BRCA2: variants seen among roughly 807,000 people sequenced by gnomAD.
BRCA2 encodes BRCA2 DNA repair associated.
A neutral mutation model predicts 276.7 loss-of-function variants in BRCA2; 203 were observed. That is an observed-to-expected ratio of 0.73 (90% CI 0.65 to 0.82). The LOEUF is 0.82. Among genes scored for constraint, BRCA2 ranks in the 40% least tolerant of loss-of-function variants. The pLI, the probability that BRCA2 is intolerant of heterozygous loss-of-function variation, is 0.00. For synonymous variants in BRCA2, 1,289 were observed against 1,338.4 expected, an observed-to-expected ratio of 0.96 and a Z score of 0.81; for missense variants, 3,920 against 3,915.0, an observed-to-expected ratio of 1.00 and a Z score of -0.03.
At chr13:32,342,940 TAGGG>T in intron 11 of BRCA2, among the ~76,000 whole-genome samples, 1 of 151,994 alleles carries the variant, frequency 6.6e-6, no homozygotes, top group South Asian at 2.1e-4. Context: ...TCCCAGCTAC[TAGGG>T]AAGTTGAAGC....
chr13:32,398,176 T>C lies in BRCA2; in HGVS notation c.9663T>C (p.Asn3221=). The C allele has an allele frequency of 6.2e-7, 1 of 1,609,774 alleles. No homozygotes were observed. Among genetic ancestry groups the C allele is most frequent in the South Asian group, 1.1e-5 (1 of 90,464 alleles). ...TTTTTTATCAGATGTCTTCTCCTAA[T>C]TGTGAGATATATTATCAAAGTCCTT... The part of the protein sequence containing the change: ...TGNKLLMSSP[N]CEIYYQSPLS... The change falls in exon 27 of 27, where the codon AAT becomes AAC. Residue 3221 remains asparagine (N), a synonymous_variant. Transcript: ENST00000380152.
chr13:32,319,175 A>G lies in BRCA2; in HGVS notation c.166A>G (p.Asn56Asp), dbSNP rs1192851278. The change falls in exon 3 of 27, where the codon AAT (asparagine) becomes GAT (aspartate). Residue 56 changes from asparagine (N) to aspartate (D), a missense_variant. Around this residue, in one of 2 missense-constraint regions of BRCA2, gnomAD observed 3,263 missense variants for 3,156.9 expected, o/e 1.03. Transcript: ENST00000380152. The stretch of plus-strand genomic sequence containing the variant: ...AGAAGAATCTGAACATAAAAACAAC[A>G]ATTACGAACCAAACCTATTTAAAAC... Reference protein sequence around the residue: ...PAEESEHKNNNYEPNLFKTPQ... With the variant: ...PAEESEHKNNDYEPNLFKTPQ... 2 of 1,614,124 alleles carry G rather than the reference A, an allele frequency of 1.2e-6. No homozygotes were observed. Among genetic ancestry groups the G allele is most frequent in the South Asian group, 1.1e-5 (1 of 91,084 alleles).
In BRCA2 at chr13:32,332,870, G is replaced by T. The variant is rs1060504613; in HGVS notation, c.1392G>T (p.Val464=). ...KSEKPLNEET[V]VNKRDEEQHL... is the part of the protein sequence containing the mutation. Reference sequence around the variant, plus strand: ...AGAAGCCATTAAATGAGGAAACAGTGGTAAATAAGAGAGATGAAGAGCAGC... The same window carrying T: ...AGAAGCCATTAAATGAGGAAACAGTTGTAAATAAGAGAGATGAAGAGCAGC... The change falls in exon 10 of 27, where the codon GTG becomes GTT. Residue 464 remains valine, a synonymous_variant. Transcript: ENST00000380152. The T allele has an allele frequency of 6.2e-7, 1 of 1,611,708 alleles. No individual in the cohort carries two copies. Among genetic ancestry groups the T allele is most frequent in the Non-Finnish European group, 8.5e-7 (1 of 1,179,520 alleles).
At chr13:32,343,818 T>C (rs1334095215) in intron 11 of BRCA2, among the ~76,000 whole-genome samples, 2 of 152,176 alleles carry the variant, frequency 1.3e-5, no homozygotes, top group Admixed American at 6.5e-5. Context: ...TTCTGGTTAC[T>C]GGAACAGTAC....
rs1555280422 is a variant in BRCA2 at position 32,319,278 on chromosome 13, T to C, written c.269T>C (p.Leu90Pro). The C allele has an allele frequency of 6.2e-7, 1 of 1,613,960 alleles. No homozygotes were observed. The highest frequency in any genetic ancestry group is 8.5e-7 in the Non-Finnish European group (1 of 1,179,830). The change falls in exon 3 of 27, where the codon CTG (leucine) becomes CCG (proline). Residue 90 changes from leucine (L) to proline (P), a missense_variant. Leu to Pro is a moderately conservative substitution (Grantham distance 98, BLOSUM62 -3). Transcript: ENST00000380152. Reference sequence around the variant, plus strand: ...AAAGAGCAAGGGCTGACTCTGCCGCTGTACCAATCTCCTGTAAAAGAATTA... The same window carrying C: ...AAAGAGCAAGGGCTGACTCTGCCGCCGTACCAATCTCCTGTAAAAGAATTA... ...IFKEQGLTLP[L>P]YQSPVKELDK...
In BRCA2 at chr13:32,339,068, G is replaced by C. The variant is rs431825322; in HGVS notation, c.4713G>C (p.Glu1571Asp). 1.9e-6 allele frequency: 3 copies of C among 1,613,930 alleles called. No homozygotes were observed. The highest frequency in any genetic ancestry group is 1.7e-6 in the Non-Finnish European group (2 of 1,179,928). ...GGGCAAAGACCCTAAAGTACAGAGA[G>C]GCCTGTAAAGACCTTGAATTAGCAT... ...HQWAKTLKYREACKDLELACE... is the reference protein window; with the variant it reads ...HQWAKTLKYRDACKDLELACE... The change falls in exon 11 of 27, where the codon GAG becomes GAC. Residue 1571 changes from glutamate (E) to aspartate (D), a missense_variant. Around this residue, in one of 2 missense-constraint regions of BRCA2, gnomAD observed 3,263 missense variants for 3,156.9 expected, o/e 1.03. Coordinates refer to ENST00000380152, the MANE Select transcript of BRCA2 (RefSeq NM_000059.4).
Position 32,379,318 on chromosome 13 carries a change from G to C in BRCA2, c.8756G>C (p.Gly2919Ala), listed in dbSNP as rs80359131. Residue 2919 changes from glycine to alanine, a missense_variant and splice_region_variant, in exon 22 of 27, where the codon GGT (glycine) becomes GCT (alanine). Coordinates refer to ENST00000380152, the MANE Select transcript of BRCA2 (RefSeq NM_000059.4). ...TTCCAATATCTTAAATGGTCACAGG[G>C]TTATTTCAGTGAAGAGCAGTTAAGA... ...KNAADPAYLE[G>A]YFSEEQLRAL... The C allele has an allele frequency of 6.2e-7, 1 of 1,613,420 alleles. No individual in the cohort carries two copies. Among genetic ancestry groups the C allele is most frequent in the Non-Finnish European group, 8.5e-7 (1 of 1,179,638 alleles).
intron 18 of BRCA2, among the ~76,000 whole-genome samples, chr13:32,363,947 A>G (rs2072764254): frequency 6.6e-6 from 1 of 152,336 alleles, no homozygotes; most frequent in East Asian, 1.9e-4. Flanking sequence ...ACTCTTTGTC[A>G]TATTGAATGG....
chr13:32,380,927 A>G (rs1398083575), intron 24 of BRCA2, among the ~76,000 whole-genome samples: 2 of 152,066 alleles, frequency 1.3e-5, no homozygotes, highest in Non-Finnish European at 2.9e-5. Context: ...ATTTTCTTCT[A>G]TTTGTTGAGT....
rs553984945 is a variant in BRCA2, at chr13:32,355,229, A to G, written c.7376A>G (p.Lys2459Arg). 6 of 1,613,020 alleles carry G rather than the reference A, an allele frequency of 3.7e-6. No homozygotes were observed. In the South Asian group the frequency reaches 6.6e-5, roughly 18 times the overall value. ...INDNEIHQFN[K>R]NNSNQAVAVT... ...GACAATGAGATTCATCAGTTTAACA[A>G]AAACAACTCCAATCAAGCAGTAGCT... Residue 2459 changes from lysine to arginine, a missense_variant, in exon 14 of 27, where the codon AAA becomes AGA. This residue lies in a region of BRCA2 where 3,263 missense variants were observed against 3,156.9 expected (regional missense o/e 1.03). Transcript: ENST00000380152.
intron 13 of BRCA2, among the ~76,000 whole-genome samples, chr13:32,353,849 ATG>A (rs1311139948): frequency 6.6e-6 from 1 of 152,232 alleles, no homozygotes; most frequent in Non-Finnish European, 1.5e-5. Flanking sequence ...ACTTTTGGAC[ATG>A]TTGAGTTTGA....
intron 13 of BRCA2, among the ~76,000 whole-genome samples, chr13:32,347,598 A>G (rs2072620458): frequency 1.3e-5 from 2 of 152,200 alleles, no homozygotes; most frequent in Admixed American, 1.3e-4. Flanking sequence ...GGCTGGAGGG[A>G]GGGGACACCA....
chr13:32,332,595 C>G lies in BRCA2; in HGVS notation c.1117C>G (p.Gln373Glu), dbSNP rs397507572. 6.2e-7 allele frequency: 1 copy of G among 1,613,848 alleles called. No homozygotes were observed. Among genetic ancestry groups the G allele is most frequent in the Non-Finnish European group, 8.5e-7 (1 of 1,179,890 alleles). Residue 373 changes from glutamine (Q) to glutamate (E), a missense_variant, in exon 10 of 27, where the codon CAG (glutamine) becomes GAG (glutamate). Gln to Glu is a conservative substitution (Grantham distance 29). This residue lies in a region of BRCA2 where 3,263 missense variants were observed against 3,156.9 expected (regional missense o/e 1.03). Coordinates refer to ENST00000380152, the MANE Select transcript of BRCA2 (RefSeq NM_000059.4). ...TDPLDSNVAN[Q>E]KPFESGSDKI... is the part of the protein sequence containing the mutation. ...TCCATTAGATTCAAATGTAGCAAATCAGAAGCCCTTTGAGAGTGGAAGTGA... is the reference window on the plus strand; with the variant it reads ...TCCATTAGATTCAAATGTAGCAAATGAGAAGCCCTTTGAGAGTGGAAGTGA...
Position 32,337,301 on chromosome 13 carries a change from A to C in BRCA2, c.2946A>C (p.Ile982=), listed in dbSNP as rs80358541. The C allele has an allele frequency of 1.9e-6, 3 of 1,612,682 alleles. No homozygotes were observed. In the South Asian group the frequency reaches 3.3e-5, roughly 18 times the overall value. Residue 982 remains isoleucine (I), a synonymous_variant, in exon 11 of 27, where the codon ATA becomes ATC. Coordinates refer to ENST00000380152, the MANE Select transcript of BRCA2 (RefSeq NM_000059.4). The part of the protein sequence containing the change: ...KSDISLNIDK[I]PEKNNDYMNK... ...ACATCTCCTTGAATATAGATAAAAT[A>C]CCAGAAAAAAATAATGATTACATGA...
intron 18 of BRCA2, among the ~76,000 whole-genome samples, chr13:32,369,161 G>A (rs984551764): frequency 6.6e-6 from 1 of 151,854 alleles, no homozygotes; most frequent in Non-Finnish European, 1.5e-5. Context: ...CGTCTGCTCA[G>A]TATTCCAGAG....
chr13:32,399,808 G>A lies in BRCA2; in HGVS notation c.*1038G>A, dbSNP rs1448223205. ...GTCCTTTTTTTTTTTTTTTGGAGAT[G>A]GAGTCTTGCTTTGTCGCCCATGCTG... is the stretch of plus-strand genomic sequence containing the variant. On this transcript the variant is annotated 3_prime_UTR_variant, in exon 27 of 27. Transcript: ENST00000380152. The A allele has an allele frequency of 7.0e-6, 1 of 143,270 alleles. No homozygotes were observed. The highest frequency in any genetic ancestry group is 2.6e-5 in the African/African-American group (1 of 38,060). 8.9% of individuals were successfully genotyped at this position (143,270 alleles called of 1,614,324 possible).
In BRCA2 at chr13:32,337,657, A is replaced by G. The variant is rs398122761; in HGVS notation, c.3302A>G (p.His1101Arg). Residue 1101 changes from histidine (H) to arginine (R), a missense_variant, in exon 11 of 27, where the codon CAT becomes CGT. His to Arg is a conservative substitution (Grantham distance 29, BLOSUM62 0). Around this residue, in one of 2 missense-constraint regions of BRCA2, gnomAD observed 3,263 missense variants for 3,156.9 expected, o/e 1.03. Transcript: ENST00000380152. ...LFSKQDFNSN[H>R]NLTPSQKAEI... ...TCCAAGCAGGATTTTAATTCAAACCATAATTTAACACCTAGCCAAAAGGCA... is the reference window on the plus strand; with the variant it reads ...TCCAAGCAGGATTTTAATTCAAACCGTAATTTAACACCTAGCCAAAAGGCA... 9 of 1,589,182 alleles carry G rather than the reference A, an allele frequency of 5.7e-6. No homozygotes were observed. Among genetic ancestry groups the G allele is most frequent in the Middle Eastern group, 1.7e-4 (1 of 5,952 alleles).
intron 25 of BRCA2, among the ~76,000 whole-genome samples, chr13:32,396,624 T>G (rs2073038524): frequency 6.6e-6 from 1 of 152,210 alleles, no homozygotes; most frequent in Non-Finnish European, 1.5e-5. Flanking sequence ...ATATGACAGC[T>G]TGCTGATTAA....
In BRCA2 at chr13:32,341,001, T is replaced by G. The variant is rs918816907; in HGVS notation, c.6646T>G (p.Ser2216Ala). ...KTNIEVCSTY[S>A]KDSENYFETE... ...AAATATAGAAGTTTGTTCTACTTACTCCAAAGATTCAGAAAACTACTTTGA... is the reference window on the plus strand; with the variant it reads ...AAATATAGAAGTTTGTTCTACTTACGCCAAAGATTCAGAAAACTACTTTGA... Residue 2216 changes from serine to alanine, a missense_variant, in exon 11 of 27, where the codon TCC (serine) becomes GCC (alanine). By Grantham distance (99) the Ser-to-Ala change is moderately conservative. Transcript: ENST00000380152. The G allele has an allele frequency of 1.2e-6, 2 of 1,612,516 alleles. No individual in the cohort carries two copies. Among genetic ancestry groups the G allele is most frequent in the African/African-American group, 2.7e-5 (2 of 74,828 alleles).
Sources: allele counts gnomAD v4.1 joint callset (sites outside exome capture counted in the v4.1 genomes callset), GRCh38; gene constraint gnomAD v4.1.1; regional missense constraint gnomAD v4.1.1; transcripts MANE v1.5; gene names NCBI Gene and HGNC (gene_info 2026-07-23, HGNC 2026-07-21).